Variants in KIAA0319 observed in about 807,000 individuals in gnomAD.
KIAA0319 encodes dyslexia-associated protein KIAA0319.
A neutral mutation model predicts 108.4 loss-of-function variants in KIAA0319; 83 were observed. That is an observed-to-expected ratio of 0.77 (90% confidence interval 0.64 to 0.92). The LOEUF is 0.92. Ranked by LOEUF, KIAA0319 falls within the 40% of genes least tolerant of loss-of-function variation. The pLI is 0.00. For missense variants in KIAA0319, 1,195 were observed against 1,322.4 expected, an observed-to-expected ratio of 0.90 and a Z score of 1.49; for synonymous variants, 484 against 510.4, an observed-to-expected ratio of 0.95 and a Z score of 0.70.
chr6:24,553,294 TACACACACACACACACACACACACACAC>T (rs71544276), intron 19 of KIAA0319, among the ~76,000 whole-genome samples: 1 of 91,064 alleles, frequency 1.1e-5, no homozygotes, highest in Non-Finnish European at 2.0e-5. Flanking sequence ...TATATATATA[TACACACACACACACACACACACACACAC>T]ACACACACAC....
At chr6:24,561,306 G>GA (rs2127438699) in intron 16 of KIAA0319, among the ~76,000 whole-genome samples, 1 of 152,324 alleles carries the variant, frequency 6.6e-6, no homozygotes, top group East Asian at 1.9e-4. Flanking sequence ...GGAAGTTTGT[G>GA]AAGGACTGTT....
In KIAA0319 at chr6:24,592,160, C is replaced by T. The variant is rs184505910; in HGVS notation, c.802-3375G>A. Among the ~76,000 whole-genome samples, 10 of 152,244 alleles carry T rather than the reference C, an allele frequency of 6.6e-5. 1 individual carries two copies. Among genetic ancestry groups the T allele is most frequent in the African/African-American group, 2.2e-4 (9 of 41,566 alleles). Reference sequence around the variant, plus strand: ...TCTTCCATGTCTCTTATAGTTTTAACTCATATATTGAGAACGTTGGTCCAT... The same window carrying T: ...TCTTCCATGTCTCTTATAGTTTTAATTCATATATTGAGAACGTTGGTCCAT... On this transcript the variant is annotated intron_variant, in intron 3 of 20. Transcript: ENST00000378214.
chr6:24,557,841 C>A (rs1762517249), intron 17 of KIAA0319, among the ~76,000 whole-genome samples: 1 of 152,026 alleles, frequency 6.6e-6, no homozygotes, highest in Non-Finnish European at 1.5e-5. Flanking sequence ...AGACATCCTC[C>A]CTCCTCAGCC....
At chr6:24,609,001 C>A (rs1262537867) in intron 1 of KIAA0319, among the ~76,000 whole-genome samples, 1 of 147,108 alleles carries the variant, frequency 6.8e-6, no homozygotes, top group African/African-American at 2.5e-5. Flanking sequence ...GGGGCTCACG[C>A]CTGTGAGCCA....
At chr6:24,612,806 T>C (rs905688386) in intron 1 of KIAA0319, among the ~76,000 whole-genome samples, 3 of 152,142 alleles carry the variant, frequency 2.0e-5, no homozygotes, top group African/African-American at 7.2e-5. Flanking sequence ...TTTTTTGTTG[T>C]TGTTGTTTTT....
At chr6:24,589,222 GC>G (rs1366970190) in intron 3 of KIAA0319, among the ~76,000 whole-genome samples, 1 of 152,134 alleles carries the variant, frequency 6.6e-6, no homozygotes, top group Non-Finnish European at 1.5e-5. Context: ...TGGGATTCGT[GC>G]CCTTATAAGT....
At chr6:24,640,813 C>A (rs1776818950) in intron 1 of KIAA0319, among the ~76,000 whole-genome samples, 1 of 151,760 alleles carries the variant, frequency 6.6e-6, no homozygotes, top group South Asian at 2.1e-4. Flanking sequence ...CCACCAAGCC[C>A]AGCTAATTTT....
At chr6:24,569,588 A>G (rs1764381281) in intron 12 of KIAA0319, among the ~76,000 whole-genome samples, 1 of 152,198 alleles carries the variant, frequency 6.6e-6, no homozygotes, top group African/African-American at 2.4e-5. Flanking sequence ...TCTGGTGTCT[A>G]CAGTCACTGC....
chr6:24,598,357 G>A (rs1770071221), intron 2 of KIAA0319: 2 of 655,326 alleles, frequency 3.1e-6, no homozygotes, highest in African/African-American at 1.8e-5. Context: ...TATCAACAAG[G>A]TATGGTTCCT....
chr6:24,604,451 A>G (rs113713840), intron 1 of KIAA0319, among the ~76,000 whole-genome samples: 21 of 152,334 alleles, frequency 1.4e-4, no homozygotes, highest in African/African-American at 4.8e-4. Flanking sequence ...CCACCATACC[A>G]TATGGTACCT....
intron 11 of KIAA0319, among the ~76,000 whole-genome samples, 154 bp from the exon 12 acceptor site, chr6:24,570,189 C>G (rs1269044814): frequency 7.2e-5 from 11 of 152,310 alleles, no homozygotes; most frequent in South Asian, 4.1e-4. Context: ...AGCACTGCAG[C>G]CTCCTAGCTG....
At chr6:24,573,624 G>A (rs564832007) in intron 10 of KIAA0319, among the ~76,000 whole-genome samples, 7 of 152,202 alleles carry the variant, frequency 4.6e-5, no homozygotes, top group Non-Finnish European at 7.4e-5. Flanking sequence ...ATGTACATAC[G>A]CACACTTACA....
intron 4 of KIAA0319, among the ~76,000 whole-genome samples, chr6:24,584,505 T>A: frequency 6.7e-6 from 1 of 150,362 alleles, no homozygotes. Flanking sequence ...GACAGGTTGT[T>A]CATTTAATCC....
intron 7 of KIAA0319, 24 bp downstream of exon 7, chr6:24,580,902 G>A: frequency 1.3e-6 from 2 of 1,490,856 alleles, no homozygotes; most frequent in African/African-American, 1.4e-5. Context: ...TACAACAGGA[G>A]GTCATTCTCT....
downstream of KIAA0319, among the ~76,000 whole-genome samples, chr6:24,540,941 TTGTA>T (rs140756): frequency 0.2 from 30,373 of 151,946 alleles, 3,274 homozygotes; most frequent in South Asian, 0.26. Flanking sequence ...GTGCACTCAT[TTGTA>T]TGTGAGTGTT....
At chr6:24,610,623 CATG>C (rs1772149988) in intron 1 of KIAA0319, among the ~76,000 whole-genome samples, 1 of 152,058 alleles carries the variant, frequency 6.6e-6, no homozygotes, top group East Asian at 1.9e-4. Flanking sequence ...ACAATGTGTA[CATG>C]ATAAGGGAGT....
At chr6:24,613,463 T>G (rs1299867158) in intron 1 of KIAA0319, among the ~76,000 whole-genome samples, 2 of 152,144 alleles carry the variant, frequency 1.3e-5, no homozygotes, top group African/African-American at 4.8e-5. Context: ...CATTTAGAAC[T>G]ACAGCTCATG....
chr6:24,568,635 G>T, intron 13 of KIAA0319, 146 bp downstream of exon 13: 1 of 678,884 alleles, frequency 1.5e-6, no homozygotes. Context: ...GAAGAAAGTT[G>T]GCTTTTTTTC....
At chr6:24,607,884 C>A (rs1452004286) in intron 1 of KIAA0319, among the ~76,000 whole-genome samples, 3 of 152,030 alleles carry the variant, frequency 2.0e-5, no homozygotes, top group African/African-American at 7.3e-5. Context: ...GCTCTCCATG[C>A]CAAATAACTT....
Sources: allele counts gnomAD v4.1 joint callset (sites outside exome capture counted in the v4.1 genomes callset), GRCh38; gene constraint gnomAD v4.1.1; transcripts MANE v1.5; gene names NCBI Gene and HGNC (gene_info 2026-07-23, HGNC 2026-07-21).